DLG2: variants seen among roughly 807,000 people sequenced by gnomAD.
The protein encoded by DLG2 is discs large MAGUK scaffold protein 2.
Under a neutral mutation model 132.5 loss-of-function variants are expected in DLG2, and 45 were observed. The ratio of observed to expected loss-of-function variants is 0.34; its 90% CI spans 0.27 to 0.44. The LOEUF is 0.44. Among genes scored for constraint, DLG2 ranks in the 20% least tolerant of loss-of-function variants. The probability of loss-of-function intolerance (pLI) is 1.00; values close to 1 mark genes in which losing one functional copy is unlikely to be tolerated. For synonymous variants in DLG2, 424 were observed against 419.6 expected, an observed-to-expected ratio of 1.01 and a Z score of -0.13; for missense variants, 1,045 against 1,196.9, an observed-to-expected ratio of 0.87 and a Z score of 1.87.
intron 7 of DLG2, among the ~76,000 whole-genome samples, chr11:84,275,140 A>T (rs184379263): frequency 6.6e-6 from 1 of 152,324 alleles, no homozygotes; most frequent in Non-Finnish European, 1.5e-5. Flanking sequence ...GGGTCTTGTG[A>T]GGCTTTTCCA....
chr11:83,824,265 G>A (rs1402815220), intron 17 of DLG2, among the ~76,000 whole-genome samples: 4 of 152,146 alleles, frequency 2.6e-5, no homozygotes, highest in Non-Finnish European at 4.4e-5. Context: ...TCCCCAGGCT[G>A]AGCTAAGGAT....
chr11:84,927,095 C>T (rs73518978), intron 6 of DLG2, among the ~76,000 whole-genome samples: 24,439 of 151,910 alleles, frequency 0.16, 2,088 homozygotes, highest in South Asian at 0.23. Flanking sequence ...GTATTTTTAA[C>T]AGTGGGCATG....
intron 14 of DLG2, among the ~76,000 whole-genome samples, chr11:83,954,009 C>T (rs1367837951): frequency 6.6e-6 from 1 of 152,158 alleles, no homozygotes; most frequent in Non-Finnish European, 1.5e-5. Flanking sequence ...TCAAATTTTA[C>T]ATGTATAGCA....
chr11:83,966,661 ATG>A (rs1291827409), intron 12 of DLG2, among the ~76,000 whole-genome samples: 2 of 152,092 alleles, frequency 1.3e-5, no homozygotes, highest in Non-Finnish European at 2.9e-5. Flanking sequence ...TCACAGCATG[ATG>A]TTATATCACA....
At chr11:83,984,892 G>C (rs1267408611) in intron 11 of DLG2, among the ~76,000 whole-genome samples, 2 of 151,956 alleles carry the variant, frequency 1.3e-5, no homozygotes, top group East Asian at 3.9e-4. Context: ...ATTAACTATA[G>C]CCACCCTATT....
chr11:84,655,586 A>C (rs2154547259), intron 6 of DLG2, among the ~76,000 whole-genome samples: 1 of 152,282 alleles, frequency 6.6e-6, no homozygotes, highest in East Asian at 1.9e-4. Flanking sequence ...TCACCAGAAG[A>C]AAGAACATCA....
chr11:84,218,364 G>A (rs1426787612), intron 8 of DLG2, among the ~76,000 whole-genome samples: 1 of 84,496 alleles, frequency 1.2e-5, no homozygotes, highest in Non-Finnish European at 2.4e-5. Flanking sequence ...GAGAGCGAGA[G>A]AAAGGGAGAA....
At chr11:83,823,450 T>C (rs1438155665) in intron 17 of DLG2, among the ~76,000 whole-genome samples, 1 of 152,198 alleles carries the variant, frequency 6.6e-6, no homozygotes, top group East Asian at 1.9e-4. Context: ...TTTTCTGATC[T>C]ATAGGAATTC....
chr11:84,767,263 A>T (rs2068563815), intron 6 of DLG2, among the ~76,000 whole-genome samples: 1 of 152,062 alleles, frequency 6.6e-6, no homozygotes, highest in South Asian at 2.1e-4. Flanking sequence ...GTGGTCATAA[A>T]ACTATATTGT....
At position 84,933,616 on chromosome 11, in the gene DLG2, G is replaced by A. The variant is rs1014565474; in HGVS notation, c.357+178045C>T. On this transcript the variant is annotated intron_variant, in intron 6 of 27. Coordinates refer to ENST00000376104, the MANE Select transcript of DLG2 (RefSeq NM_001142699.3). ...GTATTCCTAGGTATTTTATTCTTTTGGTGGCAGTTGTGAATGGGAGTTCAT... is the reference window on the plus strand; with the variant it reads ...GTATTCCTAGGTATTTTATTCTTTTAGTGGCAGTTGTGAATGGGAGTTCAT... Among the ~76,000 whole-genome samples the A allele has an allele frequency of 3.9e-5, 6 of 152,058 alleles. No homozygotes were observed. The East Asian group carries it at 9.7e-4, about 24-fold the overall frequency.
At chr11:84,934,525 G>T (rs11343368) in intron 6 of DLG2, among the ~76,000 whole-genome samples, 17,699 of 38,104 alleles carry the variant, frequency 0.46, 4,297 homozygotes, top group African/African-American at 0.65. Flanking sequence ...GTTTTGTTTT[G>T]TTTTTTTTTT....
At chr11:84,447,372 A>G (rs1027588180) in intron 7 of DLG2, among the ~76,000 whole-genome samples, 5 of 152,206 alleles carry the variant, frequency 3.3e-5, no homozygotes, top group African/African-American at 1.2e-4. Context: ...AAATCACAAT[A>G]GTCTAGACAG....
intron 18 of DLG2, 89 bp from the exon 19 acceptor site, chr11:83,633,414 T>C (rs2063925860): frequency 9.6e-7 from 1 of 1,036,638 alleles, no homozygotes; most frequent in Non-Finnish European, 1.5e-6. Context: ...TCACCCACGT[T>C]GTTGGTTCCT....
chr11:84,063,763 C>A (rs1366721260), intron 10 of DLG2, among the ~76,000 whole-genome samples: 1 of 152,132 alleles, frequency 6.6e-6, no homozygotes, highest in African/African-American at 2.4e-5. Context: ...CACATATACA[C>A]CATGGAATAC....
chr11:84,744,196 G>T (rs1214273152), intron 6 of DLG2, among the ~76,000 whole-genome samples: 2 of 152,010 alleles, frequency 1.3e-5, no homozygotes, highest in African/African-American at 4.8e-5. Context: ...CATAGCCCAG[G>T]GATCTTCAAT....
At chr11:85,568,294 C>T (rs1251043438) in intron 3 of DLG2, among the ~76,000 whole-genome samples, 5 of 151,988 alleles carry the variant, frequency 3.3e-5, no homozygotes, top group South Asian at 2.1e-4. Context: ...GGATTACAGG[C>T]GTGCGTAACC....
chr11:84,988,547 AG>A (rs1165460382), intron 6 of DLG2, among the ~76,000 whole-genome samples: 4 of 152,238 alleles, frequency 2.6e-5, no homozygotes, highest in Non-Finnish European at 5.9e-5. Context: ...AGCCATAAAA[AG>A]AAATGAATTA....
chr11:84,519,201 C>T (rs982074848), intron 7 of DLG2, among the ~76,000 whole-genome samples: 1 of 152,096 alleles, frequency 6.6e-6, no homozygotes, highest in African/African-American at 2.4e-5. Context: ...ATTTCTGTGA[C>T]CCTGATGAAA....
intron 15 of DLG2, among the ~76,000 whole-genome samples, chr11:83,901,561 T>C (rs964069353): frequency 1.3e-5 from 2 of 152,220 alleles, no homozygotes; most frequent in African/African-American, 4.8e-5. Context: ...TCTGGCACTA[T>C]GTAAGATGTG....
Sources: gnomAD v4.1 joint callset for allele counts (sites outside exome capture counted in the v4.1 genomes callset) on GRCh38, gnomAD v4.1.1 for gene constraint, MANE v1.5 for transcripts, NCBI Gene and HGNC (gene_info 2026-07-23, HGNC 2026-07-21) for gene names.